CSNK1G1: variants seen among roughly 807,000 people sequenced by gnomAD.
The protein encoded by CSNK1G1 is casein kinase I isoform gamma-1.
CSNK1G1 carries 22 observed loss-of-function variants against 59.6 expected under a neutral mutation model. That is an observed-to-expected ratio of 0.37 (90% CI 0.26 to 0.53). The LOEUF is 0.53. CSNK1G1 is among the 20% of genes least tolerant of loss of function. The probability of loss-of-function intolerance (pLI) is 0.89; values close to 1 mark genes in which losing one functional copy is unlikely to be tolerated. For synonymous variants in CSNK1G1, 179 were observed against 177.1 expected (o/e 1.01, Z -0.08); for missense variants, 384 against 519.5 (o/e 0.74, Z 2.54).
intron 2 of CSNK1G1, among the ~76,000 whole-genome samples, chr15:64,278,764 A>G (rs902616098): frequency 6.6e-6 from 1 of 152,162 alleles, no homozygotes; most frequent in African/African-American, 2.4e-5. Flanking sequence ...GTACTCAACT[A>G]ATGTACATAT....
rs530647693 is a variant in CSNK1G1, at chr15:64,305,770, T to C, written c.-224-5047A>G. ...TACAGTACTCAAGACAGTGTGATAT[T>C]GCAAAAAAAAAAAAACACAAATAAA... On this transcript the variant is annotated intron_variant, in intron 1 of 11. Coordinates refer to ENST00000303052, the MANE Select transcript of CSNK1G1 (RefSeq NM_022048.5). 6.2e-4 allele frequency among the ~76,000 whole-genome samples: 16 copies of C among 25,770 alleles called. No homozygotes were observed. In the South Asian group the frequency reaches 0.11, roughly 172 times the overall value. The allele number at this position is 25,770 out of a possible 152,430, so 16.9% of individuals were successfully genotyped here.
intron 10 of CSNK1G1, among the ~76,000 whole-genome samples, chr15:64,196,118 G>A (rs1164331135): frequency 1.3e-5 from 2 of 152,068 alleles, no homozygotes; most frequent in South Asian, 2.1e-4. Context: ...TTGGGAGGCT[G>A]GGGTGGGAGG....
intron 11 of CSNK1G1, among the ~76,000 whole-genome samples, chr15:64,177,646 C>T (rs2081757135): frequency 6.6e-6 from 1 of 152,194 alleles, no homozygotes; most frequent in South Asian, 2.1e-4. Context: ...ACTCTCCTTA[C>T]ATTCTAGAGG....
At chr15:64,196,212 A>G (rs2082037042) in intron 10 of CSNK1G1, among the ~76,000 whole-genome samples, 1 of 152,112 alleles carries the variant, frequency 6.6e-6, no homozygotes, top group African/African-American at 2.4e-5. Context: ...GTGAGATCCC[A>G]TCTCTATTAA....
intron 2 of CSNK1G1, among the ~76,000 whole-genome samples, chr15:64,297,307 A>C (rs1441166272): frequency 6.6e-6 from 1 of 152,042 alleles, no homozygotes; most frequent in East Asian, 1.9e-4. Flanking sequence ...TGAGAAGGTA[A>C]GACATAAGCT....
intron 3 of CSNK1G1, among the ~76,000 whole-genome samples, chr15:64,257,710 G>C (rs1053390721): frequency 1.3e-5 from 2 of 152,060 alleles, no homozygotes; most frequent in African/African-American, 4.8e-5. Context: ...TTTTTGTAGA[G>C]ACAGGGTTTT....
At chr15:64,237,520 T>C (rs1251657440) in intron 4 of CSNK1G1, among the ~76,000 whole-genome samples, 4 of 152,204 alleles carry the variant, frequency 2.6e-5, no homozygotes, top group African/African-American at 9.6e-5. Context: ...GGCATGTTCT[T>C]TGTTCACAAC....
intron 2 of CSNK1G1, among the ~76,000 whole-genome samples, chr15:64,273,730 T>TAAA (rs780466407): frequency 9.2e-6 from 1 of 108,950 alleles, no homozygotes; most frequent in South Asian, 2.9e-4. Flanking sequence ...GCTGATGAGC[T>TAAA]AAAAAAAAAA....
rs139887735 is a variant in CSNK1G1, at chr15:64,203,002, C to T, written c.1107+80G>A. 1.1e-3 allele frequency: 1,131 copies of T among 997,988 alleles called. 11 individuals are homozygous for T. The African/African-American group carries it at 0.016, about 14-fold the overall frequency. 61.8% of individuals were successfully genotyped at this position (997,988 alleles called of 1,614,324 possible). A position where few individuals can be genotyped will look rare whatever the true frequency, so the allele number is the denominator to read the frequency against. The stretch of plus-strand genomic sequence containing the variant: ...TTTATTTTCAGTACATACACTAAAG[C>T]GGAGAAGCTGAAGAATTTGGGTTTT... On this transcript the variant is annotated intron_variant, in intron 10 of 11. Coordinates refer to ENST00000303052, the MANE Select transcript of CSNK1G1 (RefSeq NM_022048.5).
intron 2 of CSNK1G1, among the ~76,000 whole-genome samples, chr15:64,267,256 C>CAAA (rs199581105): frequency 4.9e-5 from 3 of 61,828 alleles, no homozygotes; most frequent in Non-Finnish European, 7.4e-5. Context: ...GACCTTATCT[C>CAAA]AAAAAAAAAA....
At chr15:64,326,281 C>T (rs1896830250) in intron 1 of CSNK1G1, among the ~76,000 whole-genome samples, 1 of 152,190 alleles carries the variant, frequency 6.6e-6, no homozygotes. Flanking sequence ...CTACCTCAGC[C>T]TCCCAAAGTG....
intron 4 of CSNK1G1, among the ~76,000 whole-genome samples, chr15:64,244,375 A>G (rs920533720): frequency 3.3e-5 from 5 of 151,090 alleles, no homozygotes; most frequent in African/African-American, 1.2e-4. Context: ...TTAAAAAAAA[A>G]AAAAAAAAAG....
intron 3 of CSNK1G1, among the ~76,000 whole-genome samples, chr15:64,253,374 C>T (rs1054697746): frequency 6.6e-6 from 1 of 152,024 alleles, no homozygotes; most frequent in Non-Finnish European, 1.5e-5. Context: ...TAAAGCTCAA[C>T]ATCTGCACAC....
intron 4 of CSNK1G1, among the ~76,000 whole-genome samples, chr15:64,229,528 TTC>T (rs34099287): frequency 0.055 from 7,962 of 143,762 alleles, 215 homozygotes; most frequent in South Asian, 0.087. Context: ...CTCTCTCTCT[TTC>T]TCTCTCTCTC....
intron 4 of CSNK1G1, among the ~76,000 whole-genome samples, chr15:64,217,178 C>T (rs1231168637): frequency 6.6e-6 from 1 of 152,260 alleles, no homozygotes; most frequent in Non-Finnish European, 1.5e-5. Flanking sequence ...CTATGGACAA[C>T]TCAGACTGAA....
chr15:64,317,965 G>A (rs1383070710), intron 1 of CSNK1G1, among the ~76,000 whole-genome samples: 1 of 152,102 alleles, frequency 6.6e-6, no homozygotes, highest in Non-Finnish European at 1.5e-5. Context: ...GAAGCTAGGG[G>A]CTTAAGCAAC....
chr15:64,335,586 C>G (rs1040700179), intron 1 of CSNK1G1, among the ~76,000 whole-genome samples: 1 of 152,166 alleles, frequency 6.6e-6, no homozygotes, highest in Non-Finnish European at 1.5e-5. Context: ...CAGTATATTT[C>G]TTTCATGAAT....
chr15:64,198,501 T>C (rs547499515), intron 10 of CSNK1G1, among the ~76,000 whole-genome samples: 12 of 152,122 alleles, frequency 7.9e-5, no homozygotes, highest in Non-Finnish European at 1.8e-4. Context: ...CCACCTTCCC[T>C]GGCCCACAGG....
intron 10 of CSNK1G1, chr15:64,193,809 A>T (rs1344564861): frequency 1.3e-5 from 2 of 152,182 alleles, no homozygotes; most frequent in Non-Finnish European, 2.9e-5. Context: ...CTATCCTTAC[A>T]ATGGTGTAAG....
Sources: allele counts gnomAD v4.1 joint callset (sites outside exome capture counted in the v4.1 genomes callset), GRCh38; gene constraint gnomAD v4.1.1; transcripts MANE v1.5; gene names NCBI Gene and HGNC (gene_info 2026-07-23, HGNC 2026-07-21).